The following SLC13A1 variants were observed in gnomAD, a reference collection of about 807,000 sequenced individuals.
The protein encoded by SLC13A1 is solute carrier family 13 member 1, also known as Na(+)/sulfate cotransporter.
A neutral mutation model predicts 70.0 loss-of-function variants in SLC13A1; 65 were observed. The observed-to-expected ratio is 0.93, with a 90% CI of 0.76 to 1.14. The LOEUF (loss-of-function observed/expected upper bound fraction) is 1.14, where lower values mean the gene tolerates loss of function less well. Among genes scored for constraint, SLC13A1 ranks in the 50% most tolerant of loss-of-function variants. The pLI is 0.00. For missense variants in SLC13A1, 726 were observed against 717.8 expected, an observed-to-expected ratio of 1.01 and a Z score of -0.13; for synonymous variants, 275 against 250.5, an observed-to-expected ratio of 1.10 and a Z score of -0.92.
At chr7:123,185,614 C>T (rs2116638490) in intron 1 of SLC13A1, among the ~76,000 whole-genome samples, 1 of 152,104 alleles carries the variant, frequency 6.6e-6, no homozygotes, top group South Asian at 2.1e-4. Context: ...TTATTTCTGG[C>T]TTCTCTATGG....
At chr7:123,183,816 C>G (rs1044271784) in intron 1 of SLC13A1, among the ~76,000 whole-genome samples, 1 of 152,186 alleles carries the variant, frequency 6.6e-6, no homozygotes, top group African/African-American at 2.4e-5. Context: ...ACACTTGCTT[C>G]CAAGTAGTTT....
intron 1 of SLC13A1, among the ~76,000 whole-genome samples, chr7:123,189,540 T>C (rs1795931943): frequency 6.6e-6 from 1 of 152,164 alleles, no homozygotes; most frequent in South Asian, 2.1e-4. Context: ...ATTCTTTCTT[T>C]TGAATTTTAA....
chr7:123,133,934 C>T (rs545564657), intron 8 of SLC13A1, among the ~76,000 whole-genome samples: 16 of 152,238 alleles, frequency 1.1e-4, no homozygotes, highest in Admixed American at 9.8e-4. Flanking sequence ...ACCCCGCAAG[C>T]TCAAGCAATC....
At chr7:123,160,599 A>G (rs1365492816) in intron 6 of SLC13A1, among the ~76,000 whole-genome samples, 1 of 152,160 alleles carries the variant, frequency 6.6e-6, no homozygotes, top group Non-Finnish European at 1.5e-5. Flanking sequence ...TTGATCTTAC[A>G]GAGTTTTGGA....
intron 1 of SLC13A1, among the ~76,000 whole-genome samples, chr7:123,181,474 C>G (rs1420444546): frequency 2.6e-5 from 4 of 152,120 alleles, no homozygotes; most frequent in African/African-American, 9.7e-5. Context: ...CAAGTTACAG[C>G]CTTTCCCCTG....
intron 3 of SLC13A1, 48 bp downstream of exon 3, chr7:123,171,720 A>G (rs1156528484): frequency 6.3e-7 from 1 of 1,592,312 alleles, no homozygotes; most frequent in Non-Finnish European, 8.6e-7. Flanking sequence ...TCTGCACAAA[A>G]ATGGTCTGTT....
chr7:123,134,091 T>G (rs1793864001), intron 8 of SLC13A1, among the ~76,000 whole-genome samples: 1 of 152,048 alleles, frequency 6.6e-6, no homozygotes. Flanking sequence ...TTTGCCATAT[T>G]GTCCAGGCTG....
At chr7:123,163,853 T>G (rs1371680314) in intron 6 of SLC13A1, among the ~76,000 whole-genome samples, 2 of 152,026 alleles carry the variant, frequency 1.3e-5, no homozygotes, top group African/African-American at 4.8e-5. Flanking sequence ...ATATACAACA[T>G]GAGTTATTTT....
At position 123,193,082 on chromosome 7, in the gene SLC13A1, G is replaced by A. The variant is rs186483723; in HGVS notation, c.99+6766C>T. ...TCTGTACACAGTGGAACTGGAAAAA[G>A]GTACAGAAATAATCAGTTCTCCAAC... On this transcript the variant is annotated intron_variant, in intron 1 of 14. Transcript: ENST00000194130. 1.5e-3 allele frequency among the ~76,000 whole-genome samples: 222 copies of A among 152,116 alleles called. 2 individuals carry two copies. Among genetic ancestry groups the A allele is most frequent in the African/African-American group, 5.0e-3 (207 of 41,522 alleles).
rs1353428378 is a variant in SLC13A1, at chr7:123,161,688, C to G, written c.660+6686G>C. Among the ~76,000 whole-genome samples the G allele has an allele frequency of 2.6e-5, 4 of 152,130 alleles. No individual in the cohort carries two copies. The South Asian group carries it at 8.3e-4, about 31-fold the overall frequency. ...AGCCACTATACCAGCCTATTTCTAT[C>G]TTGTTGAAATTGTTGCTATATTTGG... On this transcript the variant is annotated intron_variant, in intron 6 of 14. Coordinates refer to ENST00000194130, the MANE Select transcript of SLC13A1 (RefSeq NM_022444.4).
chr7:123,166,509 A>G (rs539436920), intron 6 of SLC13A1, among the ~76,000 whole-genome samples: 26 of 152,044 alleles, frequency 1.7e-4, no homozygotes, highest in Non-Finnish European at 2.6e-4. Flanking sequence ...TTGTCATTTA[A>G]CATTAGGTAT....
In SLC13A1 at chr7:123,123,108, T is replaced by C; in HGVS notation, c.1350+18A>G. ...ACAGTCTGGTTAATTGTTAAATATC[T>C]TACACACAGAGTATTACCTCACAAC... On this transcript the variant is annotated intron_variant, in intron 12 of 14. Transcript: ENST00000194130. 1 of 1,517,792 alleles carries C rather than the reference T, an allele frequency of 6.6e-7. No individual in the cohort carries two copies. Among genetic ancestry groups the C allele is most frequent in the Non-Finnish European group, 9.2e-7 (1 of 1,092,584 alleles). 94.0% of individuals were successfully genotyped at this position (1,517,792 alleles called of 1,614,324 possible). A position where few individuals can be genotyped will look rare whatever the true frequency, so the allele number is the denominator to read the frequency against.
At chr7:123,128,402 A>G (rs1276083492) in intron 10 of SLC13A1, among the ~76,000 whole-genome samples, 1 of 152,132 alleles carries the variant, frequency 6.6e-6, no homozygotes, top group Non-Finnish European at 1.5e-5. Flanking sequence ...TGTAAATGCT[A>G]TAATTACCTC....
intron 2 of SLC13A1, among the ~76,000 whole-genome samples, chr7:123,173,114 A>G (rs1398719255): frequency 1.3e-5 from 2 of 152,170 alleles, no homozygotes; most frequent in African/African-American, 4.8e-5. Context: ...AAAAAATCAA[A>G]CAATAGCTAA....
chr7:123,142,065 A>G (rs1794171380), intron 7 of SLC13A1, among the ~76,000 whole-genome samples: 1 of 152,070 alleles, frequency 6.6e-6, no homozygotes, highest in South Asian at 2.1e-4. Context: ...CTCTAGTGAT[A>G]TGGTTTAGTT....
intron 10 of SLC13A1, among the ~76,000 whole-genome samples, chr7:123,128,374 G>A (rs1793635481): frequency 6.6e-6 from 1 of 152,010 alleles, no homozygotes; most frequent in Admixed American, 6.6e-5. Context: ...CTTCCAATAG[G>A]GAGAAGTCCA....
At chr7:123,120,151 G>A (rs1385401165) in intron 12 of SLC13A1, among the ~76,000 whole-genome samples, 2 of 151,864 alleles carry the variant, frequency 1.3e-5, no homozygotes, top group African/African-American at 2.4e-5. Context: ...AACTGTTGTT[G>A]TTCTGGGACC....
intron 1 of SLC13A1, among the ~76,000 whole-genome samples, chr7:123,186,923 A>AT (rs957313542): frequency 0.017 from 2,495 of 146,166 alleles, 41 homozygotes; most frequent in African/African-American, 0.046. Flanking sequence ...TGACCTTACA[A>AT]TTTTTTTTTT....
Position 123,115,148 on chromosome 7 carries a change from T to C in SLC13A1, c.*370A>G, listed in dbSNP as rs959250989. 1.9e-5 allele frequency: 3 copies of C among 154,736 alleles called. No individual in the cohort carries two copies. Among genetic ancestry groups the C allele is most frequent in the African/African-American group, 7.2e-5 (3 of 41,550 alleles). The allele number at this position is 154,736 out of a possible 1,614,324, so 9.6% of individuals were successfully genotyped here. A position where few individuals can be genotyped will look rare whatever the true frequency, so the allele number is the denominator to read the frequency against. On this transcript the variant is annotated 3_prime_UTR_variant, in exon 15 of 15. Transcript: ENST00000194130. ...TTTCTATTTTTAGTTTCATGGGAAA[T>C]TTCTGAAATAATAAATTGCATTTAA...
Sources: allele counts gnomAD v4.1 joint callset (sites outside exome capture counted in the v4.1 genomes callset), GRCh38; gene constraint gnomAD v4.1.1; transcripts MANE v1.5; gene names NCBI Gene and HGNC (gene_info 2026-07-23, HGNC 2026-07-21).